SLIT3: variants seen among roughly 807,000 people sequenced by gnomAD.
SLIT3 encodes the protein slit guidance ligand 3, also known as slit homolog 3 protein.
A neutral mutation model predicts 184.0 loss-of-function variants in SLIT3; 68 were observed. The observed-to-expected ratio is 0.37, with a 90% CI of 0.30 to 0.45. The LOEUF (loss-of-function observed/expected upper bound fraction) is 0.45, where lower values mean the gene tolerates loss of function less well. Among genes scored for constraint, SLIT3 ranks in the 20% least tolerant of loss-of-function variants. SLIT3 has a pLI of 1.00. For missense variants in SLIT3, 1,707 were observed against 2,026.0 expected, an observed-to-expected ratio of 0.84 and a Z score of 3.02; for synonymous variants, 831 against 828.6, an observed-to-expected ratio of 1.00 and a Z score of -0.05.
At chr5:169,214,481 C>A (rs781720209) in intron 3 of SLIT3, among the ~76,000 whole-genome samples, 1 of 152,076 alleles carries the variant, frequency 6.6e-6, no homozygotes, top group Non-Finnish European at 1.5e-5. Flanking sequence ...TGGGAGGAGG[C>A]CAGGGTGACT....
intron 4 of SLIT3, among the ~76,000 whole-genome samples, chr5:169,192,179 CCCA>C (rs1221932311): frequency 2.0e-5 from 3 of 152,158 alleles, no homozygotes. Context: ...CGCCCCCATG[CCCA>C]TCCAGGCAGA....
rs574259916 is a variant in SLIT3, at chr5:168,818,976, T to C, written c.630-1513A>G. ...CTAACAATTTTGAAAAAGACTTTTA[T>C]GATTTTGTTTCAAAAATAATTAATC... On this transcript the variant is annotated intron_variant, in intron 7 of 35. Transcript: ENST00000519560. Among the ~76,000 whole-genome samples the C allele has an allele frequency of 2.0e-5, 3 of 152,370 alleles. No individual in the cohort carries two copies. The South Asian group carries it at 6.2e-4, about 32-fold the overall frequency.
At chr5:169,139,213 T>C (rs985772445) in intron 4 of SLIT3, among the ~76,000 whole-genome samples, 9 of 152,246 alleles carry the variant, frequency 5.9e-5, no homozygotes, top group Admixed American at 3.3e-4. Flanking sequence ...TACCTAGCAC[T>C]GTGCTCTTAG....
intron 4 of SLIT3, among the ~76,000 whole-genome samples, chr5:168,897,258 A>G (rs1189808776): frequency 6.6e-6 from 1 of 152,178 alleles, no homozygotes; most frequent in African/African-American, 2.4e-5. Context: ...CAGCTGCTTG[A>G]GGCAGGACTC....
chr5:169,259,113 C>T (rs935751974), intron 1 of SLIT3, among the ~76,000 whole-genome samples: 1 of 152,196 alleles, frequency 6.6e-6, no homozygotes, highest in Non-Finnish European at 1.5e-5. Flanking sequence ...TGCTCTCTTG[C>T]TCAGGCTGAA....
Position 169,084,854 on chromosome 5 carries a change from G to T in SLIT3, c.413+108625C>A, listed in dbSNP as rs570886113. Among the ~76,000 whole-genome samples the T allele has an allele frequency of 4.6e-5, 7 of 152,216 alleles. No homozygotes were observed. The South Asian group carries it at 1.5e-3, about 32-fold the overall frequency. ...GGGCCAAGTTGGCTTCCACTGGGAG[G>T]AAGGGGCCCCTTTTCCTAATCCACA... On this transcript the variant is annotated intron_variant, in intron 4 of 35. Coordinates refer to ENST00000519560, the MANE Select transcript of SLIT3 (RefSeq NM_003062.4).
intron 5 of SLIT3, among the ~76,000 whole-genome samples, chr5:168,879,025 C>G (rs531629310): frequency 1.8e-4 from 27 of 152,288 alleles, no homozygotes; most frequent in African/African-American, 6.0e-4. Context: ...ACAGCCTCTT[C>G]TTTCTTGAAG....
intron 4 of SLIT3, among the ~76,000 whole-genome samples, chr5:168,931,078 G>A (rs966203895): frequency 6.6e-6 from 1 of 152,146 alleles, no homozygotes; most frequent in Non-Finnish European, 1.5e-5. Context: ...CCTGGTCCCT[G>A]TCAGGGAAAA....
intron 4 of SLIT3, among the ~76,000 whole-genome samples, chr5:169,186,755 C>T (rs1351249292): frequency 2.0e-5 from 3 of 152,162 alleles, no homozygotes; most frequent in Admixed American, 6.5e-5. Context: ...GAAGAGGCGG[C>T]GCAGACTAGC....
At chr5:168,915,341 C>T (rs542528741) in intron 4 of SLIT3, among the ~76,000 whole-genome samples, 5 of 152,098 alleles carry the variant, frequency 3.3e-5, no homozygotes, top group East Asian at 1.9e-4. Flanking sequence ...TTATCAGTGA[C>T]GGGTGATTGC....
At chr5:168,971,879 C>T (rs1285144039) in intron 4 of SLIT3, among the ~76,000 whole-genome samples, 1 of 152,218 alleles carries the variant, frequency 6.6e-6, no homozygotes, top group Non-Finnish European at 1.5e-5. Flanking sequence ...CCAGGGCTAC[C>T]TTCTAGGTTC....
intron 25 of SLIT3, 121 bp downstream of exon 25, chr5:168,710,774 G>A: frequency 1.2e-6 from 1 of 822,554 alleles, no homozygotes; most frequent in Non-Finnish European, 1.7e-6. Flanking sequence ...GGGACCCATG[G>A]AAGAGACAGG....
chr5:168,891,015 C>G (rs1760436462), intron 4 of SLIT3, among the ~76,000 whole-genome samples: 1 of 152,218 alleles, frequency 6.6e-6, no homozygotes, highest in Non-Finnish European at 1.5e-5. Flanking sequence ...CTCTGAATCT[C>G]AACTTGCACT....
intron 4 of SLIT3, among the ~76,000 whole-genome samples, chr5:168,886,768 G>A (rs1056729715): frequency 2.6e-5 from 4 of 152,100 alleles, no homozygotes; most frequent in Non-Finnish European, 5.9e-5. Context: ...GCTAGGAATT[G>A]GGATGCCTTT....
chr5:168,914,661 T>C (rs1761375486), intron 4 of SLIT3, among the ~76,000 whole-genome samples: 1 of 152,222 alleles, frequency 6.6e-6, no homozygotes, highest in Non-Finnish European at 1.5e-5. Flanking sequence ...ACTTCTGTAC[T>C]CTTTTCCGTA....
intron 2 of SLIT3, among the ~76,000 whole-genome samples, chr5:169,247,804 G>A (rs919395057): frequency 1.2e-4 from 18 of 152,078 alleles, no homozygotes; most frequent in African/African-American, 3.6e-4. Context: ...AGGGTTTTAC[G>A]ATGTTGCCCA....
rs190190922 is a variant in SLIT3, at chr5:168,975,868, G to A, written c.414-92532C>T. Reference sequence around the variant, plus strand: ...CATGCATCCAGAGCTACGGGTGGGCGTCCTGATCTCACTCCCACCCATCTC... The same window carrying A: ...CATGCATCCAGAGCTACGGGTGGGCATCCTGATCTCACTCCCACCCATCTC... On this transcript the variant is annotated intron_variant, in intron 4 of 35. Transcript: ENST00000519560. 3.3e-3 allele frequency among the ~76,000 whole-genome samples: 506 copies of A among 152,240 alleles called. 6 individuals carry two copies. Among genetic ancestry groups the A allele is most frequent in the Middle Eastern group, 0.024 (7 of 294 alleles).
At chr5:168,851,186 G>A (rs1758660223) in intron 5 of SLIT3, among the ~76,000 whole-genome samples, 1 of 151,984 alleles carries the variant, frequency 6.6e-6, no homozygotes, top group African/African-American at 2.4e-5. Flanking sequence ...AGCCGGGCGT[G>A]GTGGCGGGCG....
chr5:168,773,029 G>A, intron 13 of SLIT3, 85 bp from the exon 14 acceptor site: 9 of 1,355,396 alleles, frequency 6.6e-6, no homozygotes, highest in Non-Finnish European at 8.0e-6. Flanking sequence ...CTGGGCCCTG[G>A]CAATCCACTG....
Sources: gnomAD v4.1 joint callset for allele counts (sites outside exome capture counted in the v4.1 genomes callset) on GRCh38, gnomAD v4.1.1 for gene constraint, MANE v1.5 for transcripts, NCBI Gene and HGNC (gene_info 2026-07-23, HGNC 2026-07-21) for gene names.